ANKS1B: variants seen among roughly 807,000 people sequenced by gnomAD.
ANKS1B encodes the protein ankyrin repeat and sterile alpha motif domain-containing protein 1B.
A neutral mutation model predicts 148.3 loss-of-function variants in ANKS1B; 36 were observed. The ratio of observed to expected loss-of-function variants is 0.24; its 90% confidence interval spans 0.19 to 0.32. ANKS1B has a LOEUF of 0.32. Ranked by LOEUF, ANKS1B falls within the 10% of genes least tolerant of loss-of-function variation. ANKS1B has a pLI of 1.00. For missense variants in ANKS1B, 1,157 were observed against 1,542.6 expected (o/e 0.75, Z 4.19); for synonymous variants, 542 against 560.8 (o/e 0.97, Z 0.47).
intron 26 of ANKS1B, among the ~76,000 whole-genome samples, chr12:98,749,185 G>A (rs1409506054): frequency 6.6e-6 from 1 of 151,802 alleles, no homozygotes; most frequent in Non-Finnish European, 1.5e-5. Flanking sequence ...TGCAAGCTCC[G>A]CCTCCCGGGT....
chr12:99,017,484 T>C (rs1489352636), intron 17 of ANKS1B, among the ~76,000 whole-genome samples: 2 of 152,098 alleles, frequency 1.3e-5, no homozygotes, highest in African/African-American at 2.4e-5. Context: ...GAACCCAAGA[T>C]TGTATTTTGT....
intron 14 of ANKS1B, among the ~76,000 whole-genome samples, chr12:99,233,660 A>G (rs1202999386): frequency 6.6e-6 from 1 of 152,188 alleles, no homozygotes; most frequent in Non-Finnish European, 1.5e-5. Flanking sequence ...CTGACCTCAA[A>G]CAAATTCAGG....
chr12:99,902,116 G>A (rs2093621452), intron 1 of ANKS1B, among the ~76,000 whole-genome samples: 1 of 152,176 alleles, frequency 6.6e-6, no homozygotes, highest in Non-Finnish European at 1.5e-5. Context: ...AATGGGAGAA[G>A]ATAGTAAAAG....
intron 17 of ANKS1B, among the ~76,000 whole-genome samples, chr12:98,967,593 C>G (rs1289866238): frequency 1.6e-5 from 2 of 126,418 alleles, no homozygotes; most frequent in Non-Finnish European, 3.1e-5. Context: ...AGAGTCCCTG[C>G]TCTGGCAAGG....
chr12:99,555,910 T>G (rs1028712412), intron 9 of ANKS1B, among the ~76,000 whole-genome samples: 1 of 152,180 alleles, frequency 6.6e-6, no homozygotes, highest in Non-Finnish European at 1.5e-5. Flanking sequence ...TTGTTGTATC[T>G]CTGCCAGGTT....
At chr12:99,504,299 A>T (rs1400982274) in intron 10 of ANKS1B, among the ~76,000 whole-genome samples, 177 bp downstream of exon 10, 1 of 152,222 alleles carries the variant, frequency 6.6e-6, no homozygotes, top group African/African-American at 2.4e-5. Flanking sequence ...GGAGACTTCA[A>T]ATAAAAAACC....
At chr12:99,552,855 T>C (rs959603294) in intron 9 of ANKS1B, among the ~76,000 whole-genome samples, 1 of 152,200 alleles carries the variant, frequency 6.6e-6, no homozygotes, top group Non-Finnish European at 1.5e-5. Context: ...TAATACAATG[T>C]AAATGCCATG....
chr12:99,593,698 T>C (rs1417995077), intron 9 of ANKS1B, among the ~76,000 whole-genome samples: 12 of 152,116 alleles, frequency 7.9e-5, no homozygotes, highest in Non-Finnish European at 1.6e-4. Context: ...TTAGCTTCAT[T>C]TGTTAAATGA....
intron 12 of ANKS1B, among the ~76,000 whole-genome samples, chr12:99,368,913 G>A (rs566449688): frequency 3.5e-4 from 54 of 152,248 alleles, no homozygotes; most frequent in African/African-American, 1.1e-3. Flanking sequence ...GCCAATAAAC[G>A]TAGAAGGAAT....
intron 9 of ANKS1B, among the ~76,000 whole-genome samples, chr12:99,633,660 T>C (rs1750884098): frequency 6.6e-6 from 1 of 152,132 alleles, no homozygotes; most frequent in South Asian, 2.1e-4. Flanking sequence ...CTAAAGAGCT[T>C]CTGCACAGCA....
At chr12:99,190,484 C>CA (rs1447210409) in intron 14 of ANKS1B, among the ~76,000 whole-genome samples, 2 of 152,156 alleles carry the variant, frequency 1.3e-5, no homozygotes, top group East Asian at 1.9e-4. Context: ...GATATTGTTA[C>CA]AAAAACAGAT....
At chr12:99,705,411 T>C (rs2055581732) in intron 8 of ANKS1B, among the ~76,000 whole-genome samples, 1 of 152,094 alleles carries the variant, frequency 6.6e-6, no homozygotes, top group Non-Finnish European at 1.5e-5. Flanking sequence ...AGGGATTTCC[T>C]AGGATGTTCC....
chr12:99,141,381 G>A (rs1163841878), intron 15 of ANKS1B, among the ~76,000 whole-genome samples: 1 of 151,352 alleles, frequency 6.6e-6, no homozygotes, highest in African/African-American at 2.4e-5. Context: ...CAAATTCAGT[G>A]GCTACTTCTC....
intron 17 of ANKS1B, among the ~76,000 whole-genome samples, chr12:99,019,072 T>A (rs1191379577): frequency 2.0e-5 from 3 of 152,180 alleles, no homozygotes; most frequent in Non-Finnish European, 2.9e-5. Context: ...CCTGTGCCTG[T>A]TTTGTCACAA....
At chr12:99,587,233 G>T (rs7306133) in intron 9 of ANKS1B, among the ~76,000 whole-genome samples, 3 of 152,104 alleles carry the variant, frequency 2.0e-5, no homozygotes, top group African/African-American at 7.2e-5. Flanking sequence ...CATTTCACTA[G>T]GATTACCCTG....
chr12:99,639,378 T>C (rs962643511), intron 9 of ANKS1B, among the ~76,000 whole-genome samples: 1 of 152,140 alleles, frequency 6.6e-6, no homozygotes, highest in Admixed American at 6.5e-5. Flanking sequence ...AGGTAAGACT[T>C]TGGACTGTGG....
intron 17 of ANKS1B, among the ~76,000 whole-genome samples, chr12:99,037,384 C>T (rs1028268898): frequency 5.9e-5 from 9 of 151,840 alleles, no homozygotes; most frequent in South Asian, 2.1e-4. Flanking sequence ...GGTGTGGTGG[C>T]GGGTCCCTGT....
chr12:99,026,167 G>T (rs935974612), intron 17 of ANKS1B, among the ~76,000 whole-genome samples: 3 of 152,104 alleles, frequency 2.0e-5, no homozygotes, highest in Admixed American at 6.5e-5. Context: ...TCCAGCTTTG[G>T]ATTAATTTTA....
At chr12:99,607,898 T>C (rs1003503371) in intron 9 of ANKS1B, among the ~76,000 whole-genome samples, 8 of 152,034 alleles carry the variant, frequency 5.3e-5, no homozygotes, top group Admixed American at 6.6e-5. Context: ...ATCAGTCTTA[T>C]AAAGGATGTG....
Sources: gnomAD v4.1 joint callset for allele counts (sites outside exome capture counted in the v4.1 genomes callset) on GRCh38, gnomAD v4.1.1 for gene constraint, MANE v1.5 for transcripts, NCBI Gene and HGNC (gene_info 2026-07-23, HGNC 2026-07-21) for gene names.